RAD51B: variants seen among roughly 807,000 people sequenced by gnomAD.
RAD51B encodes DNA repair protein RAD51 homolog 2.
A neutral mutation model predicts 42.2 loss-of-function variants in RAD51B; 38 were observed. The ratio of observed to expected loss-of-function variants is 0.90; its 90% CI spans 0.70 to 1.18. The LOEUF is 1.18. Among genes scored for constraint, RAD51B ranks in the 50% most tolerant of loss-of-function variants. The probability of loss-of-function intolerance (pLI) is 0.00; values close to 1 mark genes in which losing one functional copy is unlikely to be tolerated. For missense variants in RAD51B, 373 were observed against 400.7 expected (o/e 0.93, Z 0.59); for synonymous variants, 154 against 145.2 (o/e 1.06, Z -0.43).
chr14:67,905,361 T>C (rs1171355147), intron 7 of RAD51B, among the ~76,000 whole-genome samples: 1 of 152,134 alleles, frequency 6.6e-6, no homozygotes, highest in East Asian at 1.9e-4. Context: ...GTGATGCTTC[T>C]GGCTGTGTTA....
At chr14:67,952,190 A>G (rs760326495) in intron 7 of RAD51B, among the ~76,000 whole-genome samples, 1 of 150,900 alleles carries the variant, frequency 6.6e-6, no homozygotes, top group Non-Finnish European at 1.5e-5. Flanking sequence ...CCATATGTAG[A>G]AAATGCTCAC....
chr14:68,569,427 T>C (rs561335787), intron 10 of RAD51B, among the ~76,000 whole-genome samples: 23 of 152,352 alleles, frequency 1.5e-4, no homozygotes, highest in African/African-American at 5.3e-4. Flanking sequence ...GTTTCAGTAA[T>C]GAGCGCTCTT....
rs1050441407 is a variant in RAD51B, at chr14:68,132,212, C to T, written c.757-159672C>T. 1.2e-4 allele frequency among the ~76,000 whole-genome samples: 18 copies of T among 152,144 alleles called. 1 individual carries two copies. The highest frequency in any genetic ancestry group is 2.4e-4 in the Non-Finnish European group (16 of 68,034). On this transcript the variant is annotated intron_variant, in intron 7 of 10. Coordinates refer to ENST00000471583, the MANE Select transcript of RAD51B (RefSeq NM_133510.4). The stretch of plus-strand genomic sequence containing the variant: ...TAAAGAATGGCAGGGAATCTTGACT[C>T]ATAATCCCATTAGGCTGCATTCAGT...
At chr14:68,165,678 G>T (rs1383546916) in intron 7 of RAD51B, among the ~76,000 whole-genome samples, 1 of 152,134 alleles carries the variant, frequency 6.6e-6, no homozygotes, top group African/African-American at 2.4e-5. Context: ...GACTGGATTT[G>T]TACTGGTAAC....
intron 1 of RAD51B, among the ~76,000 whole-genome samples, chr14:67,820,807 C>T (rs2040601816): frequency 6.6e-6 from 1 of 151,952 alleles, no homozygotes; most frequent in South Asian, 2.1e-4. Flanking sequence ...CCACGCACTC[C>T]CCGAGTCCTT....
intron 11 of RAD51B, among the ~76,000 whole-genome samples, chr14:68,661,068 A>T (rs1183500090): frequency 6.6e-6 from 1 of 152,236 alleles, no homozygotes. Flanking sequence ...AAGGCCAGCC[A>T]TTTAGGAAGC....
chr14:68,395,923 G>A (rs1445721945), intron 8 of RAD51B, among the ~76,000 whole-genome samples: 2 of 152,166 alleles, frequency 1.3e-5, no homozygotes, highest in Admixed American at 6.5e-5. Flanking sequence ...GGTTTCACAA[G>A]CAAGACGAGT....
At chr14:68,539,010 C>A (rs1052594850) in intron 10 of RAD51B, among the ~76,000 whole-genome samples, 2 of 152,210 alleles carry the variant, frequency 1.3e-5, no homozygotes, top group Non-Finnish European at 2.9e-5. Context: ...TCTACAACTT[C>A]CCTCAAAGAA....
intron 7 of RAD51B, among the ~76,000 whole-genome samples, chr14:68,100,387 G>T (rs2077268409): frequency 6.6e-6 from 1 of 152,022 alleles, no homozygotes; most frequent in East Asian, 1.9e-4. Flanking sequence ...TCACTGTGTT[G>T]CCCAGGCTCT....
At chr14:67,859,582 T>C (rs1181275871) in intron 4 of RAD51B, among the ~76,000 whole-genome samples, 1 of 152,232 alleles carries the variant, frequency 6.6e-6, no homozygotes, top group Non-Finnish European at 1.5e-5. Context: ...TCATAATTAA[T>C]GAACATGTGG....
intron 7 of RAD51B, among the ~76,000 whole-genome samples, chr14:68,094,102 GTACCTCTTTATATTAC>G (rs1174072205): frequency 6.6e-6 from 1 of 152,144 alleles, no homozygotes; most frequent in African/African-American, 2.4e-5. Flanking sequence ...ATGAAATTGA[GTACCTCTTTATATTAC>G]TAGTTAGTTA....
chr14:68,680,240 A>G (rs1893398235), intron 11 of RAD51B, among the ~76,000 whole-genome samples: 1 of 152,226 alleles, frequency 6.6e-6, no homozygotes, highest in African/African-American at 2.4e-5. Flanking sequence ...AGAGTGTGCC[A>G]ATTTCTGTGG....
chr14:67,925,188 C>T (rs2044460905), intron 7 of RAD51B, among the ~76,000 whole-genome samples: 1 of 152,204 alleles, frequency 6.6e-6, no homozygotes. Context: ...CAGGGTACAG[C>T]CCCCCTCCTA....
intron 7 of RAD51B, among the ~76,000 whole-genome samples, chr14:68,063,270 A>G (rs973892862): frequency 6.6e-6 from 1 of 151,980 alleles, no homozygotes; most frequent in African/African-American, 2.4e-5. Context: ...TATGATTTAC[A>G]TATTTATTCT....
intron 5 of RAD51B, among the ~76,000 whole-genome samples, chr14:67,878,183 A>G (rs1415938136): frequency 1.3e-5 from 2 of 152,188 alleles, no homozygotes; most frequent in African/African-American, 4.8e-5. Flanking sequence ...CTCTAGAAAT[A>G]TTTTACATAA....
At chr14:67,929,158 T>C (rs1166959150) in intron 7 of RAD51B, among the ~76,000 whole-genome samples, 1 of 152,104 alleles carries the variant, frequency 6.6e-6, no homozygotes, top group Non-Finnish European at 1.5e-5. Context: ...TCTTGCTTTT[T>C]AGTTTTTTGA....
chr14:67,844,810 C>A (rs866115897), intron 4 of RAD51B, among the ~76,000 whole-genome samples: 4 of 152,028 alleles, frequency 2.6e-5, no homozygotes, highest in African/African-American at 9.7e-5. Context: ...TGATGTTCCC[C>A]TTCAAAAATG....
At chr14:68,419,281 A>G (rs182399595) in intron 9 of RAD51B, among the ~76,000 whole-genome samples, 1 of 152,194 alleles carries the variant, frequency 6.6e-6, no homozygotes, top group East Asian at 1.9e-4. Flanking sequence ...ATGTGTTGCT[A>G]TTTTCACTTT....
chr14:68,479,989 G>T (rs532999577), downstream of RAD51B, among the ~76,000 whole-genome samples: 16 of 151,930 alleles, frequency 1.1e-4, no homozygotes, highest in Non-Finnish European at 1.9e-4. Context: ...GCCCAGCCAG[G>T]TCTTCATTTC....
Sources: gnomAD v4.1 joint callset for allele counts (sites outside exome capture counted in the v4.1 genomes callset) on GRCh38, gnomAD v4.1.1 for gene constraint, MANE v1.5 for transcripts, NCBI Gene and HGNC (gene_info 2026-07-23, HGNC 2026-07-21) for gene names.